PLEC: variants seen among roughly 807,000 people sequenced by gnomAD.
PLEC encodes the protein hemidesmosomal protein 1.
Under a neutral mutation model 392.8 loss-of-function variants are expected in PLEC, and 216 were observed. The observed-to-expected ratio is 0.55, with a 90% CI of 0.49 to 0.62. The LOEUF (loss-of-function observed/expected upper bound fraction) is 0.62, where lower values mean the gene tolerates loss of function less well. Among genes scored for constraint, PLEC ranks in the 20% least tolerant of loss-of-function variants. PLEC has a pLI of 0.00. For synonymous variants in PLEC, 3,621 were observed against 2,980.6 expected (o/e 1.21, Z -7.00); for missense variants, 6,863 against 6,563.4 (o/e 1.05, Z -1.58).
chr8:143,975,185 C>T (rs782696245), upstream of PLEC: 2 of 1,599,670 alleles, frequency 1.3e-6, no homozygotes, highest in Non-Finnish European at 1.7e-6. This position sits in a 1 kb window ranked among gnomAD's most constrained non-coding sequence, Gnocchi z 9.9. Flanking sequence ...ACCTGCGATG[C>T]GAATGACCGC....
upstream of PLEC, chr8:143,976,717 C>G (rs915123327): frequency 1.3e-5 from 2 of 151,890 alleles, no homozygotes; most frequent in Admixed American, 6.6e-5. Context: ...TGGCTCCGCT[C>G]ACTTCAGCTC....
In PLEC at chr8:143,918,556, G is replaced by A. The variant is rs181485778; in HGVS notation, c.11265C>T (p.Pro3755=). 3.0e-5 allele frequency: 48 copies of A among 1,610,882 alleles called. No homozygotes were observed. Among genetic ancestry groups the A allele is most frequent in the Middle Eastern group, 1.7e-4 (1 of 6,058 alleles). Residue 3755 remains proline (P), a synonymous_variant, in exon 32 of 32, where the codon CCC becomes CCT. Coordinates refer to ENST00000345136, the MANE Select transcript of PLEC (RefSeq NM_201384.3). ...CCGAGAGCAGGCGGTCGTGCAGCTC[G>A]GGCCCCACGAGGCCCTTCCGCACAG... ...DEAVRKGLVG[P]ELHDRLLSAE... is the part of the protein sequence containing the mutation.
At position 143,933,300 on chromosome 8, in the gene PLEC, C is replaced by G; in HGVS notation, c.1315G>C (p.Glu439Gln). The change falls in exon 13 of 32, where the codon GAA becomes CAA. Residue 439 changes from glutamate (E) to glutamine (Q), a missense_variant. Coordinates refer to ENST00000345136, the MANE Select transcript of PLEC (RefSeq NM_201384.3). ...CTATCCGCCTTGTCCAAGTCCCGTT[C>G]CACCTCCCCCGCCCGCTGTGGCACT... ...GKVPQRAGEVERDLDKADSMI... is the reference protein window; with the variant it reads ...GKVPQRAGEVQRDLDKADSMI... 6.2e-7 allele frequency: 1 copy of G among 1,613,054 alleles called. No homozygotes were observed. The highest frequency in any genetic ancestry group is 8.5e-7 in the Non-Finnish European group (1 of 1,179,982).
At chr8:143,939,198 A>T in intron 1 of PLEC, 152 bp downstream of exon 1, 1 of 1,109,178 alleles carries the variant, frequency 9.0e-7, no homozygotes, top group South Asian at 1.5e-5. Context: ...CTGTCGGCCC[A>T]CTCCGTGTTG....
chr8:143,933,945 G>A, intron 12 of PLEC, 53 bp downstream of exon 12: 4 of 1,497,738 alleles, frequency 2.7e-6, no homozygotes, highest in Non-Finnish European at 3.6e-6. Flanking sequence ...TGCAGGGCGG[G>A]GCAGGCTCCT....
upstream of PLEC, among the ~76,000 whole-genome samples, chr8:143,954,484 C>G (rs1002695073): frequency 6.6e-6 from 1 of 152,334 alleles, no homozygotes; most frequent in South Asian, 2.1e-4. This position sits in a 1 kb window ranked among gnomAD's most constrained non-coding sequence, Gnocchi z 4.6. Flanking sequence ...CCTGGCTGCG[C>G]CCCCCAGTCT....
At chr8:143,944,612 A>T in intron 1 of PLEC, 2 of 1,265,976 alleles carry the variant, frequency 1.6e-6, no homozygotes, top group Non-Finnish European at 2.1e-6. Flanking sequence ...GCAAGGGGCC[A>T]GGATTTCACA....
At position 143,934,903 on chromosome 8, in the gene PLEC, G is replaced by A. The variant is rs1828564673; in HGVS notation, c.852C>T (p.Tyr284=). Residue 284 remains tyrosine, a synonymous_variant, in exon 9 of 32, where the codon TAC becomes TAT. Coordinates refer to ENST00000345136, the MANE Select transcript of PLEC (RefSeq NM_201384.3). ...ANELQLRWQE[Y]RELVLLLLQW... is the part of the protein sequence containing the mutation. ...GAAGCAGCAGCAGCACCAGCTCCCG[G>A]TACTCCTGCCAGCGCAGCTGCAGCT... 1.9e-5 allele frequency: 30 copies of A among 1,611,308 alleles called. No homozygotes were observed. The highest frequency in any genetic ancestry group is 2.5e-5 in the Non-Finnish European group (29 of 1,179,766).
In PLEC at chr8:143,916,470, C is replaced by G; in HGVS notation, c.13351G>C (p.Asp4451His). ...GTGCCCTCCTCCACCATGCTGCGGT[C>G]CAGCGCGTCCTTATAGGAGATCTTG... The part of the protein sequence containing the change: ...KLKISYKDAL[D>H]RSMVEEGTGL... Residue 4451 changes from aspartate (D) to histidine (H), a missense_variant, in exon 32 of 32, where the codon GAC becomes CAC. By Grantham distance (81) the Asp-to-His change is moderately conservative. Coordinates refer to ENST00000345136, the MANE Select transcript of PLEC (RefSeq NM_201384.3). 1 of 1,611,118 alleles carries G rather than the reference C, an allele frequency of 6.2e-7. No individual in the cohort carries two copies. The highest frequency in any genetic ancestry group is 8.5e-7 in the Non-Finnish European group (1 of 1,179,244).
upstream of PLEC, chr8:143,943,969 C>A: frequency 6.4e-7 from 1 of 1,553,370 alleles, no homozygotes; most frequent in Non-Finnish European, 8.7e-7. Context: ...CCCCTCCCTG[C>A]GTGCAGGGCG....
chr8:143,957,476 T>C (rs1832655806), upstream of PLEC, among the ~76,000 whole-genome samples: 1 of 152,214 alleles, frequency 6.6e-6, no homozygotes, highest in Non-Finnish European at 1.5e-5. Context: ...TCAGGTCTCC[T>C]GGCCAGGTCT....
rs1308440320 is a variant in PLEC, at chr8:143,973,010, A to T, written c.70+393T>A. ...GGCGGCAACTATGTGACCCATTGCC[A>T]GGCGGCGGAGCTGCCCCTGTTCCAT... is the stretch of plus-strand genomic sequence containing the variant. On this transcript the variant is annotated intron_variant, in intron 1 of 31. Coordinates refer to the PLEC transcript ENST00000356346. The surrounding 1 kb of genome is among the most constrained non-coding windows in gnomAD (Gnocchi z 5.6). Among the ~76,000 whole-genome samples the T allele has an allele frequency of 1.3e-5, 2 of 152,156 alleles. No individual in the cohort carries two copies. The highest frequency in any genetic ancestry group is 3.9e-4 in the East Asian group (2 of 5,188).
At position 143,925,159 on chromosome 8, in the gene PLEC, T is replaced by C. The variant is rs782130961; in HGVS notation, c.4770A>G (p.Ala1590=). 1 of 1,559,230 alleles carries C rather than the reference T, an allele frequency of 6.4e-7. No homozygotes were observed. Among genetic ancestry groups the C allele is most frequent in the Non-Finnish European group, 8.6e-7 (1 of 1,160,666 alleles). The change falls in exon 31 of 32, where the codon GCA becomes GCG. Residue 1590 remains alanine, a synonymous_variant. Coordinates refer to ENST00000345136, the MANE Select transcript of PLEC (RefSeq NM_201384.3). ...SKRASFAEKT[A]QLERSLQEEH... ...CCTCCTGCAGGGAGCGCTCCAGCTG[T>C]GCCGTCTTCTCGGCGAAGGAGGCGC...
upstream of PLEC, among the ~76,000 whole-genome samples, chr8:143,973,705 G>T (rs1418618622): frequency 6.6e-6 from 1 of 150,902 alleles, no homozygotes; most frequent in African/African-American, 2.4e-5. The surrounding 1 kb of genome is among the most constrained non-coding windows in gnomAD (Gnocchi z 5.6). Flanking sequence ...AGTCCCGCAC[G>T]CACGCCCTTT....
Position 143,930,483 on chromosome 8 carries a change from C to T in PLEC, c.2358G>A (p.Lys786=). ...TCAGCTGCACGACGGCCTTGGCCCG[C>T]TTGGCCAGGCCTGAGAGGTGGCCCT... ...EYKGHLSGLA[K]RAKAVVQLKP... is the part of the protein sequence containing the mutation. The change falls in exon 20 of 32, where the codon AAG becomes AAA. Residue 786 remains lysine, a synonymous_variant. Coordinates refer to ENST00000345136, the MANE Select transcript of PLEC (RefSeq NM_201384.3). 1.9e-6 allele frequency: 3 copies of T among 1,594,472 alleles called. No homozygotes were observed. Among genetic ancestry groups the T allele is most frequent in the Non-Finnish European group, 2.6e-6 (3 of 1,171,018 alleles).
Position 143,920,800 on chromosome 8 carries a change from C to G in PLEC, c.9021G>C (p.Val3007=). The G allele has an allele frequency of 6.2e-7, 1 of 1,607,910 alleles. No individual in the cohort carries two copies. The highest frequency in any genetic ancestry group is 8.5e-7 in the Non-Finnish European group (1 of 1,179,932). Residue 3007 remains valine (V), a synonymous_variant, in exon 32 of 32, where the codon GTG becomes GTC. Coordinates refer to ENST00000345136, the MANE Select transcript of PLEC (RefSeq NM_201384.3). ...YQQLQRGERS[V]RDVAEVDTVR... is the part of the protein sequence containing the mutation. ...CAGTGTCCACCTCGGCTACGTCTCG[C>G]ACAGAGCGCTCACCTCGCTGCAGCT...
chr8:143,950,375 C>A, exon 1 of PLEC: 3 of 1,592,994 alleles, frequency 1.9e-6, no homozygotes, highest in Non-Finnish European at 8.5e-7. Context: ...GGGGGTGCGG[C>A]GTGCGGGCAT....
intron 18 of PLEC, 83 bp downstream of exon 18, chr8:143,931,854 C>T (rs1164050260): frequency 9.7e-6 from 14 of 1,440,896 alleles, no homozygotes; most frequent in Non-Finnish European, 1.2e-5. Flanking sequence ...CAGGAGGGCT[C>T]CTGATTGGAG....
rs781951273 is a variant in PLEC at position 143,929,825 on chromosome 8, C to G, written c.2744G>C (p.Arg915Pro). Residue 915 changes from arginine (R) to proline (P), a missense_variant, in exon 23 of 32, where the codon CGC becomes CCC. Coordinates refer to ENST00000345136, the MANE Select transcript of PLEC (RefSeq NM_201384.3). ...LIRSWSLATF[R>P]TLKPEEQRQA... Reference sequence around the variant, plus strand: ...GCGCTGCTCCTCTGGCTTCAGGGTGCGGAACTGGGGGAAGCACGTGGGGCT... The same window carrying G: ...GCGCTGCTCCTCTGGCTTCAGGGTGGGGAACTGGGGGAAGCACGTGGGGCT... The G allele has an allele frequency of 2.9e-5, 46 of 1,599,122 alleles. No individual in the cohort carries two copies. The highest frequency in any genetic ancestry group is 3.5e-5 in the Non-Finnish European group (41 of 1,178,384).
Sources: gnomAD v4.1 joint callset for allele counts (sites outside exome capture counted in the v4.1 genomes callset) on GRCh38, gnomAD v4.1.1 for gene constraint, Gnocchi (gnomAD v3.1) non-coding constraint, MANE v1.5 for transcripts, NCBI Gene and HGNC (gene_info 2026-07-23, HGNC 2026-07-21) for gene names.